LDB3: variants seen among roughly 807,000 people sequenced by gnomAD.
The protein encoded by LDB3 is LIM domain binding 3, also known as LIM domain-binding protein 3.
LDB3 carries 49 observed loss-of-function variants against 69.0 expected under a neutral mutation model. The ratio of observed to expected loss-of-function variants is 0.71; its 90% CI spans 0.56 to 0.90. LDB3 has a LOEUF of 0.90. LDB3 is among the 40% of genes least tolerant of loss of function. The probability of loss-of-function intolerance (pLI) is 0.00; values close to 1 mark genes in which losing one functional copy is unlikely to be tolerated. For missense variants in LDB3, 928 were observed against 974.1 expected, an observed-to-expected ratio of 0.95 and a Z score of 0.63; for synonymous variants, 387 against 396.2, an observed-to-expected ratio of 0.98 and a Z score of 0.28.
At chr10:86,688,393 C>A (rs1336477105) in intron 5 of LDB3, among the ~76,000 whole-genome samples, 2 of 152,152 alleles carry the variant, frequency 1.3e-5, no homozygotes, top group Admixed American at 6.5e-5. Context: ...AAAGGGCAGG[C>A]TCCCCAGCCC....
chr10:86,687,123 C>T (rs756436075), intron 5 of LDB3: 1 of 1,614,224 alleles, frequency 6.2e-7, no homozygotes. Context: ...CGGCCCTGTC[C>T]ACCCACAAGC....
At position 86,706,656 on chromosome 10, in the gene LDB3, C is replaced by A. The variant is rs1846455487; in HGVS notation, c.1022C>A (p.Ala341Asp). 3 of 1,613,010 alleles carry A rather than the reference C, an allele frequency of 1.9e-6. No homozygotes were observed. Among genetic ancestry groups the A allele is most frequent in the Non-Finnish European group, 2.5e-6 (3 of 1,179,910 alleles). Residue 341 changes from alanine to aspartate, a missense_variant, in exon 8 of 14, where the codon GCC becomes GAC. By Grantham distance (126) the Ala-to-Asp change is moderately radical (BLOSUM62 -2). Coordinates refer to ENST00000361373, the MANE Select transcript of LDB3 (RefSeq NM_007078.3). ...AASPPLATAA[A>D]HTAIASASTT... ...TCGCCACCCCTGGCCACAGCTGCTG[C>A]CCACACTGCCATCGCCTCCGCCTCC...
chr10:86,683,897 G>T (rs11594919), intron 5 of LDB3, among the ~76,000 whole-genome samples: 20,346 of 152,218 alleles, frequency 0.13, 1,561 homozygotes, highest in African/African-American at 0.2. Flanking sequence ...CCCACCTGCG[G>T]GGTAGGCACT....
In LDB3 at chr10:86,699,524, CT is replaced by C. The variant is rs1564648450; in HGVS notation, c.896+6954del. ...GATGGCCAACCGCAGCATTTCTGTC[CT>C]CTGCCCACCCCAGAGCTGATGCTGG... On this transcript the variant is annotated intron_variant, in intron 7 of 13. Transcript: ENST00000361373. This position sits in a 1 kb window ranked among gnomAD's most constrained non-coding sequence, Gnocchi z 4.9. The C allele has an allele frequency of 3.3e-6, 5 of 1,506,864 alleles. No homozygotes were observed. In the African/African-American group the frequency reaches 6.9e-5, roughly 21 times the overall value. 93.3% of individuals were successfully genotyped at this position (1,506,864 alleles called of 1,614,324 possible).
At chr10:86,694,019 T>C (rs1845895918) in intron 7 of LDB3, among the ~76,000 whole-genome samples, 1 of 152,216 alleles carries the variant, frequency 6.6e-6, no homozygotes, top group South Asian at 2.1e-4. Flanking sequence ...CCTGGCTCCC[T>C]TCTGGTTCCT....
chr10:86,685,167 G>A (rs7923558), intron 5 of LDB3, among the ~76,000 whole-genome samples: 100,249 of 152,016 alleles, frequency 0.66, 33,911 homozygotes, highest in Non-Finnish European at 0.74. Flanking sequence ...GAAACCCCGC[G>A]CACACCCTGC....
chr10:86,670,268 C>T (rs1844390311), intron 2 of LDB3, among the ~76,000 whole-genome samples: 1 of 152,154 alleles, frequency 6.6e-6, no homozygotes, highest in Non-Finnish European at 1.5e-5. Context: ...TCCTGGGCAC[C>T]CACAGCCTTG....
At position 86,681,088 on chromosome 10, in the gene LDB3, A is replaced by G. The variant is rs569830563; in HGVS notation, c.322-348A>G. On this transcript the variant is annotated intron_variant, in intron 4 of 13. Coordinates refer to ENST00000361373, the MANE Select transcript of LDB3 (RefSeq NM_007078.3). Reference sequence around the variant, plus strand: ...TGGAGCAGGAGGCTGGGCTGTGCCCACTGGGCACCCACTCTCAGGGGCAGG... The same window carrying G: ...TGGAGCAGGAGGCTGGGCTGTGCCCGCTGGGCACCCACTCTCAGGGGCAGG... 3.9e-3 allele frequency among the ~76,000 whole-genome samples: 599 copies of G among 152,330 alleles called. 4 individuals carry two copies. The highest frequency in any genetic ancestry group is 7.2e-3 in the Non-Finnish European group (492 of 68,016).
intron 5 of LDB3, among the ~76,000 whole-genome samples, chr10:86,682,735 G>A (rs887805681): frequency 6.6e-6 from 1 of 152,178 alleles, no homozygotes; most frequent in African/African-American, 2.4e-5. Flanking sequence ...GGAGGATAAA[G>A]GGCCCAACAC....
intron 9 of LDB3, among the ~76,000 whole-genome samples, chr10:86,714,057 C>G (rs1846771303): frequency 6.6e-6 from 1 of 152,352 alleles, no homozygotes; most frequent in Non-Finnish European, 1.5e-5. Context: ...TCCTCACTCA[C>G]ATTTAGTGAC....
chr10:86,706,346 G>C (rs1298460686), intron 7 of LDB3, among the ~76,000 whole-genome samples, 185 bp from the exon 8 acceptor site: 1 of 152,180 alleles, frequency 6.6e-6, no homozygotes, highest in Non-Finnish European at 1.5e-5. Context: ...CTGCTCCTGG[G>C]ATCCTGGAGG....
chr10:86,703,094 A>T (rs1589660208), intron 7 of LDB3, among the ~76,000 whole-genome samples: 2 of 152,240 alleles, frequency 1.3e-5, no homozygotes, highest in South Asian at 4.1e-4. Context: ...CCAAGGAGAC[A>T]GGCAAAGCCA....
chr10:86,680,029 C>G (rs1183346426), intron 3 of LDB3, 53 bp from the exon 4 acceptor site: 1 of 1,515,532 alleles, frequency 6.6e-7, no homozygotes, highest in African/African-American at 1.4e-5. Context: ...CAGGCAGGAG[C>G]TTCTGGCCCC....
rs557033441 is a variant in LDB3, at chr10:86,699,298, G to A, written c.896+6727G>A. The A allele has an allele frequency of 1.7e-5, 28 of 1,613,296 alleles. No individual in the cohort carries two copies. Among genetic ancestry groups the A allele is most frequent in the African/African-American group, 5.3e-5 (4 of 74,802 alleles). On this transcript the variant is annotated intron_variant, in intron 7 of 13. Transcript: ENST00000361373. This position sits in a 1 kb window ranked among gnomAD's most constrained non-coding sequence, Gnocchi z 4.9. ...CACAGGGAAAGGTTTGAAACGGAAC[G>A]TAACAGCCCACGTTTTGCCAAATTG...
intron 7 of LDB3, among the ~76,000 whole-genome samples, chr10:86,706,067 A>C (rs2132456981): frequency 6.6e-6 from 1 of 152,298 alleles, no homozygotes; most frequent in South Asian, 2.1e-4. Flanking sequence ...CCAGAGCCTA[A>C]GCCCTTGACA....
chr10:86,669,401 A>G (rs1387330904), intron 2 of LDB3, among the ~76,000 whole-genome samples: 1 of 152,170 alleles, frequency 6.6e-6, no homozygotes, highest in Non-Finnish European at 1.5e-5. Flanking sequence ...GTTCCCCACA[A>G]GTGCTGGGGC....
Position 86,683,367 on chromosome 10 carries a change from C to T in LDB3, c.689+1564C>T, listed in dbSNP as rs527980440. ...CCCCATTTTATAGCTGGAAAATAGA[C>T]GCTCAGAGAGAGCAAGTAATTTGCC... On this transcript the variant is annotated intron_variant, in intron 5 of 13. Transcript: ENST00000361373. 3.3e-5 allele frequency among the ~76,000 whole-genome samples: 5 copies of T among 152,344 alleles called. No homozygotes were observed. The South Asian group carries it at 8.3e-4, about 25-fold the overall frequency.
intron 7 of LDB3, among the ~76,000 whole-genome samples, chr10:86,695,678 C>T (rs1243718099): frequency 6.6e-6 from 1 of 152,214 alleles, no homozygotes; most frequent in African/African-American, 2.4e-5. Flanking sequence ...GTGCCTCCAT[C>T]CCACAAACTG....
chr10:86,671,941 G>A (rs1844504811), intron 2 of LDB3, among the ~76,000 whole-genome samples: 1 of 152,072 alleles, frequency 6.6e-6, no homozygotes, highest in South Asian at 2.1e-4. Flanking sequence ...GTGAAACCCT[G>A]TCTCCACTAA....
Sources: gnomAD v4.1 joint callset for allele counts (sites outside exome capture counted in the v4.1 genomes callset) on GRCh38, gnomAD v4.1.1 for gene constraint, Gnocchi (gnomAD v3.1) non-coding constraint, MANE v1.5 for transcripts, NCBI Gene and HGNC (gene_info 2026-07-23, HGNC 2026-07-21) for gene names.